Variants in NIBAN1 observed in about 807,000 individuals in gnomAD.
The protein encoded by NIBAN1 is niban apoptosis regulator 1, also known as protein Niban 1.
NIBAN1 carries 81 observed loss-of-function variants against 75.1 expected under a neutral mutation model. The observed-to-expected ratio is 1.08, with a 90% CI of 0.90 to 1.30. The LOEUF (loss-of-function observed/expected upper bound fraction) is 1.30, where lower values mean the gene tolerates loss of function less well. NIBAN1 is among the 50% of genes most tolerant of loss of function. The pLI is 0.00. For missense variants in NIBAN1, 1,133 were observed against 1,128.1 expected (o/e 1.00, Z -0.06); for synonymous variants, 436 against 424.8 (o/e 1.03, Z -0.32).
Position 184,852,745 on chromosome 1 carries a change from C to A in NIBAN1, c.602-20783G>T, listed in dbSNP as rs116363106. The stretch of plus-strand genomic sequence containing the variant: ...CATAAAGTTCCGTCTTCAAGGCTAC[C>A]TTCTCCTTTTCTTCCCGCTAAACAT... On this transcript the variant is annotated intron_variant, in intron 5 of 13. Transcript: ENST00000367511. 1.8e-3 allele frequency among the ~76,000 whole-genome samples: 272 copies of A among 152,304 alleles called. 2 individuals are homozygous for A. Among genetic ancestry groups the A allele is most frequent in the African/African-American group, 5.8e-3 (241 of 41,572 alleles).
At chr1:184,900,549 T>C (rs1165611650) in intron 1 of NIBAN1, among the ~76,000 whole-genome samples, 1 of 152,186 alleles carries the variant, frequency 6.6e-6, no homozygotes, top group Non-Finnish European at 1.5e-5. Context: ...AAACTGAGTA[T>C]GAACCATGTG....
rs932234839 is a variant in NIBAN1, at chr1:184,809,012, G to T, written c.1174-777C>A. Among the ~76,000 whole-genome samples the T allele has an allele frequency of 2.0e-5, 3 of 152,144 alleles. No homozygotes were observed. The East Asian group carries it at 5.8e-4, about 29-fold the overall frequency. Reference sequence around the variant, plus strand: ...ATACTGGAGGTTTAAAATAAACAGGGGAATGGGTGGAGCAGAAGAAGGCAG... The same window carrying T: ...ATACTGGAGGTTTAAAATAAACAGGTGAATGGGTGGAGCAGAAGAAGGCAG... On this transcript the variant is annotated intron_variant, in intron 9 of 13. Transcript: ENST00000367511.
At chr1:184,926,014 C>T (rs1323979395) in intron 1 of NIBAN1, among the ~76,000 whole-genome samples, 3 of 152,150 alleles carry the variant, frequency 2.0e-5, no homozygotes, top group Non-Finnish European at 4.4e-5. Flanking sequence ...TCTGGTAGGA[C>T]AGGTCTGGCA....
intron 6 of NIBAN1, among the ~76,000 whole-genome samples, chr1:184,825,702 C>T (rs931743962): frequency 6.6e-6 from 1 of 152,126 alleles, no homozygotes; most frequent in Non-Finnish European, 1.5e-5. Context: ...CCTTCTTTAC[C>T]CCTGCTCCTG....
At chr1:184,803,923 C>T (rs764183184) in intron 11 of NIBAN1, among the ~76,000 whole-genome samples, 1 of 152,116 alleles carries the variant, frequency 6.6e-6, no homozygotes, top group Non-Finnish European at 1.5e-5. Context: ...GAAACTGAGG[C>T]AAGATCAAAA....
intron 12 of NIBAN1, among the ~76,000 whole-genome samples, chr1:184,799,155 T>G (rs540857189): frequency 6.6e-6 from 1 of 152,118 alleles, no homozygotes; most frequent in Non-Finnish European, 1.5e-5. Context: ...ACTCGTCATC[T>G]AGCATTAGGT....
intron 1 of NIBAN1, among the ~76,000 whole-genome samples, chr1:184,911,923 A>G (rs934897602): frequency 6.6e-6 from 1 of 152,314 alleles, no homozygotes; most frequent in East Asian, 1.9e-4. Context: ...CCTCAAAAAA[A>G]TTTTAAACAA....
In NIBAN1 at chr1:184,793,069, ATAT is replaced by A. The variant is rs1206419330; in HGVS notation, c.*1905_*1907del. 2 of 152,174 alleles carry A rather than the reference ATAT, an allele frequency of 1.3e-5. No individual in the cohort carries two copies. Among genetic ancestry groups the A allele is most frequent in the Non-Finnish European group, 2.9e-5 (2 of 68,044 alleles). The allele number at this position is 152,174 out of a possible 1,614,324, so 9.4% of individuals were successfully genotyped here. ...AGAAAAGTTGCAACAATTAAATATG[ATAT>A]TATACATATACTGAGTATTATTCAT... On this transcript the variant is annotated 3_prime_UTR_variant, in exon 14 of 14. Transcript: ENST00000367511.
intron 5 of NIBAN1, among the ~76,000 whole-genome samples, chr1:184,836,291 A>C (rs1424781169): frequency 1.3e-5 from 2 of 152,186 alleles, no homozygotes; most frequent in Non-Finnish European, 2.9e-5. Context: ...TTTCATTTTC[A>C]ACCTAAGAAA....
chr1:184,795,633 C>A lies in NIBAN1; in HGVS notation c.2131G>T (p.Ala711Ser). Reference protein sequence around the residue: ...EPITASGSLKALRKLLTASVE... With the variant: ...EPITASGSLKSLRKLLTASVE... Reference sequence around the variant, plus strand: ...GACGCTGTCAGCAACTTTCTGAGCGCCTTCAAAGAACCCGAGGCAGTGATG... The same window carrying A: ...GACGCTGTCAGCAACTTTCTGAGCGACTTCAAAGAACCCGAGGCAGTGATG... Residue 711 changes from alanine (A) to serine (S), a missense_variant, in exon 14 of 14, where the codon GCG (alanine) becomes TCG (serine). Physicochemically the swap from Ala to Ser is moderately conservative, Grantham distance 99 (BLOSUM62 1). Coordinates refer to ENST00000367511, the MANE Select transcript of NIBAN1 (RefSeq NM_052966.4). 6.2e-7 allele frequency: 1 copy of A among 1,614,192 alleles called. No individual in the cohort carries two copies. Among genetic ancestry groups the A allele is most frequent in the East Asian group, 2.2e-5 (1 of 44,884 alleles).
At chr1:184,844,404 T>C (rs551931198) in intron 5 of NIBAN1, among the ~76,000 whole-genome samples, 7 of 152,230 alleles carry the variant, frequency 4.6e-5, no homozygotes, top group Admixed American at 2.6e-4. Flanking sequence ...TCATCATCAT[T>C]ACCAATGATT....
At chr1:184,856,804 T>A (rs979950833) in intron 5 of NIBAN1, among the ~76,000 whole-genome samples, 1 of 152,302 alleles carries the variant, frequency 6.6e-6, no homozygotes, top group Admixed American at 6.5e-5. Context: ...GCCTGGTAAG[T>A]GTTTGGCAAA....
intron 10 of NIBAN1, 131 bp downstream of exon 10, chr1:184,807,943 C>A: frequency 9.8e-7 from 1 of 1,019,788 alleles, no homozygotes; most frequent in African/African-American, 1.6e-5. Flanking sequence ...ACGTGTCCTC[C>A]CGCAACATGA....
chr1:184,967,144 A>C (rs1232642650), intron 1 of NIBAN1, among the ~76,000 whole-genome samples: 1 of 152,028 alleles, frequency 6.6e-6, no homozygotes, highest in Admixed American at 6.6e-5. Context: ...TCCAGTTTCA[A>C]AGGAGAAAAT....
intron 5 of NIBAN1, among the ~76,000 whole-genome samples, chr1:184,871,178 C>G (rs1422074250): frequency 6.6e-6 from 1 of 151,776 alleles, no homozygotes; most frequent in East Asian, 1.9e-4. Flanking sequence ...GAAACCCCGT[C>G]TCTACTAAAA....
chr1:184,813,122 C>T (rs924403143), intron 9 of NIBAN1, among the ~76,000 whole-genome samples: 3 of 152,160 alleles, frequency 2.0e-5, no homozygotes, highest in Non-Finnish European at 4.4e-5. Flanking sequence ...TCCAAGGACT[C>T]CACCATAAAG....
Position 184,917,431 on chromosome 1 carries a change from C to G in NIBAN1, c.56-18122G>C, listed in dbSNP as rs1657419580. Reference sequence around the variant, plus strand: ...GTTTCACCATGTTAGCCAGGAAGGTCTTGATCTGACCTCGTGATCCGCCCG... The same window carrying G: ...GTTTCACCATGTTAGCCAGGAAGGTGTTGATCTGACCTCGTGATCCGCCCG... On this transcript the variant is annotated intron_variant, in intron 1 of 13. Coordinates refer to ENST00000367511, the MANE Select transcript of NIBAN1 (RefSeq NM_052966.4). Among the ~76,000 whole-genome samples, 4 of 127,446 alleles carry G rather than the reference C, an allele frequency of 3.1e-5. No individual in the cohort carries two copies. In the South Asian group the frequency reaches 1.0e-3, roughly 32 times the overall value. The allele number at this position is 127,446 out of a possible 152,430, so 83.6% of individuals were successfully genotyped here. A position where few individuals can be genotyped will look rare whatever the true frequency, so the allele number is the denominator to read the frequency against.
chr1:184,943,039 T>C (rs1658135902), intron 1 of NIBAN1, among the ~76,000 whole-genome samples: 1 of 152,238 alleles, frequency 6.6e-6, no homozygotes, highest in Admixed American at 6.5e-5. Flanking sequence ...ATAATTTGTC[T>C]ATAAAAATGA....
At chr1:184,872,371 AAAAAAAAAGAG>A (rs975723813) in intron 5 of NIBAN1, among the ~76,000 whole-genome samples, 5 of 150,212 alleles carry the variant, frequency 3.3e-5, no homozygotes, top group African/African-American at 9.7e-5. Context: ...CTGTTCAGGG[AAAAAAAAAGAG>A]AGAAAAAAGA....
Sources: gnomAD v4.1 joint callset for allele counts (sites outside exome capture counted in the v4.1 genomes callset) on GRCh38, gnomAD v4.1.1 for gene constraint, MANE v1.5 for transcripts, NCBI Gene and HGNC (gene_info 2026-07-23, HGNC 2026-07-21) for gene names.